CEP128: variants seen among roughly 807,000 people sequenced by gnomAD.
CEP128 encodes centrosomal protein 128, also known as centrosomal protein 128kDa.
CEP128 carries 132 observed loss-of-function variants against 156.7 expected under a neutral mutation model. The ratio of observed to expected loss-of-function variants is 0.84; its 90% CI spans 0.73 to 0.97. The LOEUF is 0.97. Among genes scored for constraint, CEP128 ranks in the 50% least tolerant of loss-of-function variants. CEP128 has a pLI of 0.00. For missense variants in CEP128, 1,252 were observed against 1,281.9 expected (o/e 0.98, Z 0.36); for synonymous variants, 469 against 448.9 (o/e 1.04, Z -0.57).
intron 4 of CEP128, among the ~76,000 whole-genome samples, chr14:80,909,837 A>G (rs1034324902): frequency 9.2e-5 from 14 of 152,216 alleles, no homozygotes; most frequent in African/African-American, 3.1e-4. Flanking sequence ...GAAGTCATAA[A>G]AATTGTTTTA....
At chr14:80,646,264 T>G (rs1357286540) in intron 19 of CEP128, among the ~76,000 whole-genome samples, 1 of 152,136 alleles carries the variant, frequency 6.6e-6, no homozygotes, top group Non-Finnish European at 1.5e-5. Flanking sequence ...TGGGGGATAC[T>G]GATAATGGGA....
chr14:80,752,999 TC>T (rs140833294), intron 18 of CEP128, among the ~76,000 whole-genome samples: 2,950 of 152,286 alleles, frequency 0.019, 194 homozygotes, highest in East Asian at 0.16. Flanking sequence ...GAAGTGTATT[TC>T]TTACCCATCT....
At chr14:80,489,752 A>G (rs1887259462), downstream of CEP128, among the ~76,000 whole-genome samples, 2 of 152,188 alleles carry the variant, frequency 1.3e-5, no homozygotes, top group African/African-American at 4.8e-5. Flanking sequence ...GATGTGACCA[A>G]CAATCAGAGC....
chr14:80,595,387 G>A (rs983625049), intron 19 of CEP128, among the ~76,000 whole-genome samples: 3 of 151,954 alleles, frequency 2.0e-5, no homozygotes, highest in Non-Finnish European at 4.4e-5. Context: ...TGGGTTGATG[G>A]GTGCAGCAAA....
At chr14:80,878,873 C>T (rs1888402968) in intron 8 of CEP128, among the ~76,000 whole-genome samples, 1 of 152,206 alleles carries the variant, frequency 6.6e-6, no homozygotes, top group African/African-American at 2.4e-5. Flanking sequence ...CTCTGAGCAT[C>T]TGTGTTGTGG....
chr14:80,581,416 T>C (rs1891587913), intron 19 of CEP128, among the ~76,000 whole-genome samples: 1 of 152,186 alleles, frequency 6.6e-6, no homozygotes. Context: ...ATATTAGATA[T>C]AGCAGGAAAC....
chr14:80,623,315 G>T lies in CEP128; in HGVS notation c.2807-42892C>A, dbSNP rs1160650544. Among the ~76,000 whole-genome samples, 4 of 148,870 alleles carry T rather than the reference G, an allele frequency of 2.7e-5. No individual in the cohort carries two copies. In the South Asian group the frequency reaches 6.5e-4, roughly 24 times the overall value. On this transcript the variant is annotated intron_variant, in intron 19 of 24. Coordinates refer to ENST00000555265, the MANE Select transcript of CEP128 (RefSeq NM_152446.5). Reference sequence around the variant, plus strand: ...CACACTCTGGGGACTGTTGTGGGGTGGGGGGAAGGGGGAGGGATAGCATTG... The same window carrying T: ...CACACTCTGGGGACTGTTGTGGGGTTGGGGGAAGGGGGAGGGATAGCATTG...
intron 18 of CEP128, among the ~76,000 whole-genome samples, chr14:80,754,399 T>G: frequency 6.6e-6 from 1 of 151,914 alleles, no homozygotes; most frequent in East Asian, 1.9e-4. Flanking sequence ...CTCCTGCTTG[T>G]AAGACTGAAA....
Position 80,736,350 on chromosome 14 carries a change from G to T in CEP128, c.2806+6725C>A, listed in dbSNP as rs530278591. ...CAAATCGAATCTATTTTAGCACAAGGAGCTTTGCCTTACTCATCTCCCTAA... is the reference window on the plus strand; with the variant it reads ...CAAATCGAATCTATTTTAGCACAAGTAGCTTTGCCTTACTCATCTCCCTAA... On this transcript the variant is annotated intron_variant, in intron 19 of 24. Transcript: ENST00000555265. 1.5e-4 allele frequency among the ~76,000 whole-genome samples: 23 copies of T among 152,048 alleles called. No homozygotes were observed. In the East Asian group the frequency reaches 4.3e-3, roughly 28 times the overall value.
At chr14:80,723,654 G>C (rs1372791547) in intron 19 of CEP128, among the ~76,000 whole-genome samples, 1 of 152,162 alleles carries the variant, frequency 6.6e-6, no homozygotes, top group Non-Finnish European at 1.5e-5. Flanking sequence ...TTTAGCACTT[G>C]TTTTTATCCT....
intron 13 of CEP128, among the ~76,000 whole-genome samples, chr14:80,813,839 A>C (rs1007998127): frequency 6.6e-6 from 1 of 152,156 alleles, no homozygotes; most frequent in Non-Finnish European, 1.5e-5. Flanking sequence ...AACTTCATTA[A>C]CTGCTACATC....
Position 80,831,230 on chromosome 14 carries a change from G to C in CEP128, c.1122C>G (p.Phe374Leu). 1.2e-6 allele frequency: 2 copies of C among 1,613,990 alleles called. No homozygotes were observed. The highest frequency in any genetic ancestry group is 1.7e-6 in the Non-Finnish European group (2 of 1,179,924). Residue 374 changes from phenylalanine (F) to leucine (L), a missense_variant, in exon 13 of 25, where the codon TTC becomes TTG. Coordinates refer to ENST00000555265, the MANE Select transcript of CEP128 (RefSeq NM_152446.5). Reference sequence around the variant, plus strand: ...CCTCTAACTCAGATGCCATTGCGCTGAAGTTCAGCTGCACTCTCAAATCTG... The same window carrying C: ...CCTCTAACTCAGATGCCATTGCGCTCAAGTTCAGCTGCACTCTCAAATCTG... ...QMSDLRVQLN[F>L]SAMASELEEV...
intron 12 of CEP128, among the ~76,000 whole-genome samples, chr14:80,833,272 ATATAT>A (rs1392916888): frequency 3.3e-5 from 5 of 151,758 alleles, no homozygotes; most frequent in African/African-American, 9.7e-5. Context: ...TAGAATGAAT[ATATAT>A]TATATAAAAT....
chr14:80,610,805 G>A lies in CEP128; in HGVS notation c.2807-30382C>T, dbSNP rs370939266. Among the ~76,000 whole-genome samples, 13 of 152,012 alleles carry A rather than the reference G, an allele frequency of 8.6e-5. 2 individuals are homozygous for A. In the East Asian group the frequency reaches 1.5e-3, roughly 18 times the overall value. On this transcript the variant is annotated intron_variant, in intron 19 of 24. Coordinates refer to ENST00000555265, the MANE Select transcript of CEP128 (RefSeq NM_152446.5). ...TAAATTTAAATCAGTAGGGAAACTT[G>A]TTAAATAAATTATATTCATACGATG...
At chr14:80,730,833 T>C (rs1898239104) in intron 19 of CEP128, among the ~76,000 whole-genome samples, 1 of 152,212 alleles carries the variant, frequency 6.6e-6, no homozygotes. Context: ...CTTAGTTTCC[T>C]CTTTATGGGA....
intron 19 of CEP128, among the ~76,000 whole-genome samples, chr14:80,665,265 T>G (rs758630938): frequency 6.6e-6 from 1 of 152,118 alleles, no homozygotes; most frequent in Non-Finnish European, 1.5e-5. Context: ...AATTTCCCGA[T>G]AGCACCAATA....
At chr14:80,617,293 C>T (rs1365419564) in intron 19 of CEP128, among the ~76,000 whole-genome samples, 2 of 116,656 alleles carry the variant, frequency 1.7e-5, no homozygotes, top group Non-Finnish European at 3.2e-5. Context: ...TGCAGTGGTG[C>T]GATCTTGGCT....
chr14:80,628,785 G>A (rs997157602), intron 19 of CEP128, among the ~76,000 whole-genome samples: 16 of 152,160 alleles, frequency 1.1e-4, no homozygotes, highest in Non-Finnish European at 2.1e-4. Flanking sequence ...CTACTGATAA[G>A]TAAGCTCTTG....
intron 8 of CEP128, among the ~76,000 whole-genome samples, chr14:80,868,852 T>C (rs530798467): frequency 1.1e-4 from 16 of 152,178 alleles, no homozygotes; most frequent in Admixed American, 9.2e-4. Flanking sequence ...GAGGTAGCTA[T>C]ACTTACATCA....
Sources: allele counts gnomAD v4.1 joint callset (sites outside exome capture counted in the v4.1 genomes callset), GRCh38; gene constraint gnomAD v4.1.1; transcripts MANE v1.5; gene names NCBI Gene and HGNC (gene_info 2026-07-23, HGNC 2026-07-21).